ADGRV1: variants seen among roughly 807,000 people sequenced by gnomAD.
The protein encoded by ADGRV1 is adhesion G protein-coupled receptor V1, also known as G-protein coupled receptor 98.
In ADGRV1, 359 loss-of-function variants were observed where a neutral mutation model predicts 596.2. The observed-to-expected ratio is 0.60, with a 90% CI of 0.55 to 0.66. ADGRV1 has a LOEUF of 0.66. ADGRV1 is among the 30% of genes least tolerant of loss of function. ADGRV1 has a pLI of 0.00. For missense variants in ADGRV1, 7,274 were observed against 7,575.6 expected (o/e 0.96, Z 1.48); for synonymous variants, 2,681 against 2,679.2 (o/e 1.00, Z -0.02).
At chr5:91,027,190 CTG>C (rs1784091871) in intron 85 of ADGRV1, among the ~76,000 whole-genome samples, 1 of 150,438 alleles carries the variant, frequency 6.6e-6, no homozygotes, top group Non-Finnish European at 1.5e-5. Flanking sequence ...CACACACACA[CTG>C]TCTAACTAGA....
intron 58 of ADGRV1, 113 bp from the exon 59 acceptor site, chr5:90,763,192 A>G (rs1013805270): frequency 5.2e-6 from 5 of 960,200 alleles, no homozygotes; most frequent in African/African-American, 5.0e-5. Flanking sequence ...ATTACATGTA[A>G]CATTCTAAAT....
chr5:90,760,583 G>A (rs750275), intron 58 of ADGRV1, among the ~76,000 whole-genome samples: 4,939 of 152,150 alleles, frequency 0.032, 117 homozygotes, highest in South Asian at 0.12. Context: ...TCCCACAATG[G>A]GTTTATCTGG....
chr5:90,848,423 C>T (rs1387292606), intron 78 of ADGRV1, among the ~76,000 whole-genome samples: 1 of 151,782 alleles, frequency 6.6e-6, no homozygotes, highest in East Asian at 1.9e-4. Flanking sequence ...GGTGATTATG[C>T]CTTTTCTTTA....
chr5:91,100,498 G>A (rs1016542818), intron 86 of ADGRV1, among the ~76,000 whole-genome samples: 2 of 151,756 alleles, frequency 1.3e-5, no homozygotes, highest in Non-Finnish European at 1.5e-5. Context: ...AGCAGGGAGG[G>A]AGGAAGGAAG....
chr5:91,108,121 A>G (rs1480164000), intron 87 of ADGRV1, among the ~76,000 whole-genome samples: 1 of 152,180 alleles, frequency 6.6e-6, no homozygotes, highest in Non-Finnish European at 1.5e-5. Context: ...TGCTTAGTGA[A>G]TCAGTCCTAA....
At chr5:91,121,684 C>G (rs2126748929) in intron 87 of ADGRV1, among the ~76,000 whole-genome samples, 1 of 152,198 alleles carries the variant, frequency 6.6e-6, no homozygotes, top group South Asian at 2.1e-4. Flanking sequence ...TTTTTCCTTT[C>G]TTCCTTTTTA....
rs200816323 is a variant in ADGRV1, at chr5:90,763,365, G to C, written c.12181G>C (p.Val4061Leu). 8.1e-6 allele frequency: 13 copies of C among 1,611,378 alleles called. No homozygotes were observed. The highest frequency in any genetic ancestry group is 4.5e-5 in the East Asian group (2 of 44,778). Residue 4061 changes from valine to leucine, a missense_variant, in exon 59 of 90, where the codon GTC becomes CTC. Val to Leu is a conservative substitution (Grantham distance 32, BLOSUM62 1). Coordinates refer to ENST00000405460, the MANE Select transcript of ADGRV1 (RefSeq NM_032119.4). ...DPDSYVTLTVVRSPGGKGTVR... is the reference protein window; with the variant it reads ...DPDSYVTLTVLRSPGGKGTVR... ...TGATTCATATGTGACATTGACGGTT[G>C]TCCGGTCCCCAGGAGGAAAAGGAAC...
chr5:90,964,971 T>C (rs1442240695), intron 83 of ADGRV1, among the ~76,000 whole-genome samples: 1 of 152,170 alleles, frequency 6.6e-6, no homozygotes, highest in Non-Finnish European at 1.5e-5. Context: ...TTAAGTCTAT[T>C]TTGTTATCTA....
At chr5:90,908,078 C>T (rs769075616) in intron 83 of ADGRV1, among the ~76,000 whole-genome samples, 9 of 151,982 alleles carry the variant, frequency 5.9e-5, no homozygotes, top group Non-Finnish European at 8.8e-5. Context: ...CTCGAACTCC[C>T]GACCTCAGGT....
At chr5:90,967,996 G>T (rs576377768) in intron 84 of ADGRV1, among the ~76,000 whole-genome samples, 2 of 152,140 alleles carry the variant, frequency 1.3e-5, no homozygotes, top group Non-Finnish European at 2.9e-5. Flanking sequence ...CTCATGGGTC[G>T]TGTTTCAGCA....
intron 77 of ADGRV1, among the ~76,000 whole-genome samples, chr5:90,834,507 T>G (rs1230751865): frequency 6.6e-6 from 1 of 152,150 alleles, no homozygotes; most frequent in Non-Finnish European, 1.5e-5. Context: ...TGCTACCAGA[T>G]GTATGGGAGC....
intron 43 of ADGRV1, among the ~76,000 whole-genome samples, chr5:90,719,687 A>T (rs1750657119): frequency 6.6e-6 from 1 of 152,190 alleles, no homozygotes; most frequent in Non-Finnish European, 1.5e-5. Flanking sequence ...CTATGACTAC[A>T]AATGTTTTTT....
chr5:91,016,447 G>T (rs1783181257), intron 85 of ADGRV1, among the ~76,000 whole-genome samples: 1 of 151,888 alleles, frequency 6.6e-6, no homozygotes, highest in Admixed American at 6.6e-5. Flanking sequence ...CTCTTTTTCT[G>T]TCTTAATTTC....
chr5:90,811,110 A>C lies in ADGRV1; in HGVS notation c.15850A>C (p.Asn5284His), dbSNP rs776488904. ...CTTTCGTGGTATCTATGGGATTTCCAACCTAACATGGGCAGTTGAAGAAGA... is the reference window on the plus strand; with the variant it reads ...CTTTCGTGGTATCTATGGGATTTCCCACCTAACATGGGCAGTTGAAGAAGA... ...LPFRGIYGIS[N>H]LTWAVEEEDF... The change falls in exon 74 of 90, where the codon AAC becomes CAC. Residue 5284 changes from asparagine (N) to histidine (H), a missense_variant. Around this residue, in one of 5 missense-constraint regions of ADGRV1, gnomAD observed 1,874 missense variants for 1,970.2 expected, o/e 0.95. Transcript: ENST00000405460. The C allele has an allele frequency of 6.2e-7, 1 of 1,613,824 alleles. No homozygotes were observed. Among genetic ancestry groups the C allele is most frequent in the South Asian group, 1.1e-5 (1 of 91,084 alleles).
chr5:90,763,703 G>A (rs1393406996), intron 59 of ADGRV1, among the ~76,000 whole-genome samples: 1 of 152,080 alleles, frequency 6.6e-6, no homozygotes, highest in African/African-American at 2.4e-5. Flanking sequence ...GTAGTCCCCA[G>A]TGTCTGTTGT....
intron 85 of ADGRV1, among the ~76,000 whole-genome samples, chr5:90,986,333 C>T (rs1259456961): frequency 3.3e-5 from 5 of 151,772 alleles, no homozygotes; most frequent in Non-Finnish European, 7.4e-5. Flanking sequence ...AATTATCTCA[C>T]AGGTTATTAT....
Position 90,674,208 on chromosome 5 carries a change from C to T in ADGRV1, c.5084C>T (p.Thr1695Ile). 1 of 1,609,468 alleles carries T rather than the reference C, an allele frequency of 6.2e-7. No homozygotes were observed. The highest frequency in any genetic ancestry group is 8.5e-7 in the Non-Finnish European group (1 of 1,178,084). Reference sequence around the variant, plus strand: ...CCTGAAAAGGAAACGACTGATATCACCATCAAAGCTAGTGATCATCCATAT... The same window carrying T: ...CCTGAAAAGGAAACGACTGATATCATCATCAAAGCTAGTGATCATCCATAT... ...IDPEKETTDI[T>I]IKASDHPYGL... is the part of the protein sequence containing the mutation. The change falls in exon 23 of 90, where the codon ACC becomes ATC. Residue 1695 changes from threonine (T) to isoleucine (I), a missense_variant. This residue lies in a region of ADGRV1 where 3,643 missense variants were observed against 3,809.2 expected (regional missense o/e 0.96). Transcript: ENST00000405460.
rs768382748 is a variant in ADGRV1 at position 90,759,396 on chromosome 5, C to G, written c.11941-13C>G. The stretch of plus-strand genomic sequence containing the variant: ...CCTCCCTCTCTTTCTCCCTTCCTTC[C>G]TTTCTTTCATAGGTTACTGCAATGA... On this transcript the variant is annotated splice_polypyrimidine_tract_variant and intron_variant, in intron 57 of 89. Transcript: ENST00000405460. 3 of 1,530,938 alleles carry G rather than the reference C, an allele frequency of 2.0e-6. No individual in the cohort carries two copies. The highest frequency in any genetic ancestry group is 2.7e-6 in the Non-Finnish European group (3 of 1,128,452). 94.8% of individuals were successfully genotyped at this position (1,530,938 alleles called of 1,614,324 possible).
At chr5:91,064,228 C>A (rs865825823) in intron 85 of ADGRV1, among the ~76,000 whole-genome samples, 1 of 152,152 alleles carries the variant, frequency 6.6e-6, no homozygotes, top group African/African-American at 2.4e-5. Context: ...TCCCTGTCCT[C>A]AAAAGAACAC....
Sources: allele counts gnomAD v4.1 joint callset (sites outside exome capture counted in the v4.1 genomes callset), GRCh38; gene constraint gnomAD v4.1.1; regional missense constraint gnomAD v4.1.1; transcripts MANE v1.5; gene names NCBI Gene and HGNC (gene_info 2026-07-23, HGNC 2026-07-21).